Variants in ASTN2 observed in about 807,000 individuals in gnomAD.
ASTN2 encodes astrotactin 2.
A neutral mutation model predicts 139.8 loss-of-function variants in ASTN2; 54 were observed. The ratio of observed to expected loss-of-function variants is 0.39; its 90% CI spans 0.31 to 0.48. The LOEUF is 0.48. Ranked by LOEUF, ASTN2 falls within the 20% of genes least tolerant of loss-of-function variation. ASTN2 has a pLI of 0.95. For missense variants in ASTN2, 1,565 were observed against 1,725.1 expected (o/e 0.91, Z 1.64); for synonymous variants, 756 against 719.5 (o/e 1.05, Z -0.81).
chr9:116,591,762 C>G (rs1281324731), intron 19 of ASTN2, among the ~76,000 whole-genome samples: 2 of 152,178 alleles, frequency 1.3e-5, no homozygotes, highest in Non-Finnish European at 2.9e-5. Context: ...TGAATGGGAG[C>G]ACAAAGTGGG....
At chr9:117,212,368 A>T (rs1372007518) in intron 3 of ASTN2, among the ~76,000 whole-genome samples, 1 of 149,880 alleles carries the variant, frequency 6.7e-6, no homozygotes, top group Non-Finnish European at 1.5e-5. Flanking sequence ...TGTAAGTAAG[A>T]CCTTAAAAGC....
chr9:117,108,438 AACAC>A lies in ASTN2; in HGVS notation c.1169-12291_1169-12288del, dbSNP rs3041147. On this transcript the variant is annotated intron_variant, in intron 4 of 22. Transcript: ENST00000313400. ...TTTGGAAAAAAACAAAACAAAACAA[AACAC>A]ACACACACACACACACACACACACA... Among the ~76,000 whole-genome samples, 929 of 145,334 alleles carry A rather than the reference AACAC, an allele frequency of 6.4e-3. 9 individuals are homozygous for A. Among genetic ancestry groups the A allele is most frequent in the African/African-American group, 0.021 (835 of 39,836 alleles).
At chr9:116,879,907 T>TA (rs1322535447) in intron 10 of ASTN2, among the ~76,000 whole-genome samples, 4 of 152,186 alleles carry the variant, frequency 2.6e-5, no homozygotes, top group Non-Finnish European at 5.9e-5. Context: ...GACCACAACT[T>TA]AGAGTTATGT....
chr9:116,928,928 C>A (rs114077463), intron 10 of ASTN2, among the ~76,000 whole-genome samples: 2,162 of 152,220 alleles, frequency 0.014, 52 homozygotes, highest in African/African-American at 0.049. Flanking sequence ...ACACTGGAAG[C>A]ACAGAGAGGT....
At chr9:117,060,382 GAAA>G (rs1839221002) in intron 5 of ASTN2, among the ~76,000 whole-genome samples, 5 of 70,498 alleles carry the variant, frequency 7.1e-5, no homozygotes, top group African/African-American at 3.0e-4. Context: ...AAGAAAGAAA[GAAA>G]GAAAGAAAGA....
chr9:116,444,928 A>C (rs545596156), intron 20 of ASTN2, among the ~76,000 whole-genome samples: 104 of 152,280 alleles, frequency 6.8e-4, no homozygotes, highest in African/African-American at 2.5e-3. Flanking sequence ...ATCATAAATA[A>C]ATTTAAGGAG....
intron 16 of ASTN2, among the ~76,000 whole-genome samples, chr9:116,702,457 G>C (rs1341129137): frequency 2.6e-5 from 4 of 151,920 alleles, no homozygotes; most frequent in African/African-American, 9.7e-5. Flanking sequence ...CCTTTCTACT[G>C]TCTATTTCAC....
At chr9:116,632,173 A>AGAGAGAGG (rs1856793265) in intron 17 of ASTN2, among the ~76,000 whole-genome samples, 1 of 30,820 alleles carries the variant, frequency 3.2e-5, no homozygotes, top group Non-Finnish European at 5.6e-5. Flanking sequence ...AGAGAGAGAG[A>AGAGAGAGG]GAGAGAGAGA....
intron 19 of ASTN2, among the ~76,000 whole-genome samples, chr9:116,521,674 G>T (rs1308310205): frequency 2.0e-5 from 3 of 152,156 alleles, no homozygotes; most frequent in African/African-American, 7.2e-5. Context: ...AAACTAAAAA[G>T]CTTCTGCACA....
chr9:116,893,932 C>T (rs1442286708), intron 10 of ASTN2, among the ~76,000 whole-genome samples: 1 of 152,176 alleles, frequency 6.6e-6, no homozygotes, highest in Non-Finnish European at 1.5e-5. Context: ...TGGTCAGAAC[C>T]CTGCTTGAGC....
chr9:116,861,910 T>C (rs890765296), intron 11 of ASTN2, among the ~76,000 whole-genome samples: 8 of 151,780 alleles, frequency 5.3e-5, no homozygotes, highest in African/African-American at 1.9e-4. Context: ...TCCAATGACA[T>C]TGCTTGAGTC....
intron 2 of ASTN2, among the ~76,000 whole-genome samples, chr9:117,256,121 G>C (rs1833679244): frequency 6.6e-6 from 1 of 152,174 alleles, no homozygotes; most frequent in South Asian, 2.1e-4. Flanking sequence ...AGAGATGACT[G>C]TTTTCTCTGT....
rs529865960 is a variant in ASTN2 at position 116,732,522 on chromosome 9, C to T, written c.2521+877G>A. Among the ~76,000 whole-genome samples the T allele has an allele frequency of 3.9e-5, 6 of 152,288 alleles. No individual in the cohort carries two copies. In the South Asian group the frequency reaches 8.3e-4, roughly 21 times the overall value. On this transcript the variant is annotated intron_variant, in intron 14 of 22. Transcript: ENST00000313400. ...CAGTGAAAGAGCTCTATTATCCTTC[C>T]CCATGACGATTCCCCCGTGACTATT...
intron 5 of ASTN2, among the ~76,000 whole-genome samples, chr9:117,047,045 A>G (rs1411747409): frequency 6.6e-6 from 1 of 152,166 alleles, no homozygotes; most frequent in Non-Finnish European, 1.5e-5. Flanking sequence ...TAGATTGCTG[A>G]GTGCCTCATT....
At chr9:116,826,083 T>C (rs576141895) in intron 11 of ASTN2, among the ~76,000 whole-genome samples, 1 of 152,324 alleles carries the variant, frequency 6.6e-6, no homozygotes, top group South Asian at 2.1e-4. Context: ...CTGCCTTCTC[T>C]GGTATCAGGC....
At chr9:116,534,279 T>C (rs1349612975) in intron 19 of ASTN2, among the ~76,000 whole-genome samples, 1 of 152,202 alleles carries the variant, frequency 6.6e-6, no homozygotes, top group African/African-American at 2.4e-5. Context: ...TTGCTAGTGG[T>C]CTATCAATTT....
Position 117,078,512 on chromosome 9 carries a change from G to A in ASTN2, c.1276+17532C>T, listed in dbSNP as rs960269773. Among the ~76,000 whole-genome samples the A allele has an allele frequency of 8.5e-5, 13 of 152,242 alleles. No homozygotes were observed. In the South Asian group the frequency reaches 1.0e-3, roughly 12 times the overall value. On this transcript the variant is annotated intron_variant, in intron 5 of 22. Coordinates refer to ENST00000313400, the MANE Select transcript of ASTN2 (RefSeq NM_001365068.1). ...AAAATACCATGTTATTAGAAGCACC[G>A]AATTGGAGAATCAGGAAAGACATTA...
At chr9:117,263,767 T>A (rs981372584) in intron 2 of ASTN2, among the ~76,000 whole-genome samples, 5 of 152,190 alleles carry the variant, frequency 3.3e-5, no homozygotes, top group Non-Finnish European at 7.3e-5. Context: ...CACTTGATGT[T>A]CACAACGTTT....
intron 19 of ASTN2, among the ~76,000 whole-genome samples, chr9:116,512,756 A>C (rs1202189736): frequency 6.6e-6 from 1 of 152,108 alleles, no homozygotes; most frequent in African/African-American, 2.4e-5. Context: ...CCATTATGTA[A>C]TGGCCTTCTT....
Sources: gnomAD v4.1 joint callset for allele counts (sites outside exome capture counted in the v4.1 genomes callset) on GRCh38, gnomAD v4.1.1 for gene constraint, MANE v1.5 for transcripts, NCBI Gene and HGNC (gene_info 2026-07-23, HGNC 2026-07-21) for gene names.